POGZ: variants seen among roughly 807,000 people sequenced by gnomAD.
POGZ encodes the protein pogo transposable element with ZNF domain.
In POGZ, 17 loss-of-function variants were observed where a neutral mutation model predicts 134.6. The observed-to-expected ratio is 0.13, with a 90% CI of 0.09 to 0.19. The LOEUF (loss-of-function observed/expected upper bound fraction) is 0.19, where lower values mean the gene tolerates loss of function less well. Ranked by LOEUF, POGZ falls within the 10% of genes least tolerant of loss-of-function variation. The pLI, the probability that POGZ is intolerant of heterozygous loss-of-function variation, is 1.00. For synonymous variants in POGZ, 693 were observed against 657.1 expected, an observed-to-expected ratio of 1.05 and a Z score of -0.84; for missense variants, 1,306 against 1,769.7, an observed-to-expected ratio of 0.74 and a Z score of 4.70.
chr1:151,444,421 A>G (rs1660984150), intron 1 of POGZ, among the ~76,000 whole-genome samples: 1 of 152,188 alleles, frequency 6.6e-6, no homozygotes, highest in Non-Finnish European at 1.5e-5. Context: ...TAAATACTTA[A>G]TTTTATTCCA....
chr1:151,431,219 T>G lies in POGZ; in HGVS notation c.284-378A>C, dbSNP rs1352882815. Among the ~76,000 whole-genome samples the G allele has an allele frequency of 2.0e-5, 3 of 151,702 alleles. No homozygotes were observed. In the East Asian group the frequency reaches 5.8e-4, roughly 29 times the overall value. ...CAGAAAAACAGATGGGTAGGGGAGG[T>G]TCACTAACACTTCACCCATATGTCT... On this transcript the variant is annotated intron_variant, in intron 3 of 18. Coordinates refer to ENST00000271715, the MANE Select transcript of POGZ (RefSeq NM_015100.4).
At chr1:151,447,572 C>G (rs1442911729) in intron 1 of POGZ, among the ~76,000 whole-genome samples, 1 of 151,532 alleles carries the variant, frequency 6.6e-6, no homozygotes, top group African/African-American at 2.4e-5. Context: ...CCACCTCAAC[C>G]TCTTGAGTAA....
In POGZ at chr1:151,403,546, G is replaced by C; in HGVS notation, c.*1256C>G. On this transcript the variant is annotated 3_prime_UTR_variant, in exon 19 of 19. Coordinates refer to ENST00000271715, the MANE Select transcript of POGZ (RefSeq NM_015100.4). ...ACAGTACGTTTTGGTTTACAACCATGAGTACATACAATTAAAAAAATCCCT... is the reference window on the plus strand; with the variant it reads ...ACAGTACGTTTTGGTTTACAACCATCAGTACATACAATTAAAAAAATCCCT... The C allele has an allele frequency of 1.0e-6, 1 of 985,236 alleles. No individual in the cohort carries two copies. Among genetic ancestry groups the C allele is most frequent in the Non-Finnish European group, 1.2e-6 (1 of 829,510 alleles). The allele number at this position is 985,236 out of a possible 1,614,324, so 61.0% of individuals were successfully genotyped here.
chr1:151,423,659 C>T (rs1657316535), intron 9 of POGZ, 108 bp from the exon 10 acceptor site: 1 of 851,614 alleles, frequency 1.2e-6, no homozygotes, highest in African/African-American at 1.7e-5. Context: ...CCCTCCATTC[C>T]CCAGACTTCC....
chr1:151,458,773 T>TGGACGTCGGGCTGTGTGC (rs1553238871), intron 1 of POGZ, among the ~76,000 whole-genome samples: 1 of 144,014 alleles, frequency 6.9e-6, no homozygotes, highest in African/African-American at 2.5e-5. Context: ...AGCGTGCGTG[T>TGGACGTCGGGCTGTGTGC]GGACGTCGGG....
intron 10 of POGZ, among the ~76,000 whole-genome samples, chr1:151,417,604 C>T (rs1266168866): frequency 3.3e-5 from 5 of 150,782 alleles, no homozygotes; most frequent in South Asian, 2.1e-4. Context: ...TTAGGTGATC[C>T]GTCCGCCTCA....
Position 151,423,451 on chromosome 1 carries a change from G to C in POGZ, c.1624C>G (p.Pro542Ala). ...CQHCYRQFST[P>A]FQLQCHLENV... ...TCCAAGTGGCACTGAAGCTGGAAGG[G>C]AGTGGAAAACTGGCGGTAACAGTGC... The change falls in exon 10 of 19, where the codon CCC (proline) becomes GCC (alanine). Residue 542 changes from proline (P) to alanine (A), a missense_variant. Around this residue, in one of 10 missense-constraint regions of POGZ, gnomAD observed 541 missense variants for 680.5 expected, o/e 0.80. Transcript: ENST00000271715. 6.2e-7 allele frequency: 1 copy of C among 1,614,048 alleles called. No homozygotes were observed. The highest frequency in any genetic ancestry group is 8.5e-7 in the Non-Finnish European group (1 of 1,179,908).
intron 10 of POGZ, among the ~76,000 whole-genome samples, chr1:151,418,051 A>G (rs1302127124): frequency 1.3e-5 from 2 of 151,816 alleles, no homozygotes; most frequent in African/African-American, 4.8e-5. Flanking sequence ...CGTCTCCACT[A>G]AAAAATACAA....
At chr1:151,432,135 C>A (rs1658799033) in intron 3 of POGZ, among the ~76,000 whole-genome samples, 1 of 152,160 alleles carries the variant, frequency 6.6e-6, no homozygotes, top group South Asian at 2.1e-4. Flanking sequence ...TGCCACTGCA[C>A]TCCAGCCTGG....
chr1:151,457,931 A>C (rs1421705820), intron 1 of POGZ, among the ~76,000 whole-genome samples: 1 of 139,140 alleles, frequency 7.2e-6, no homozygotes, highest in Admixed American at 7.1e-5. Context: ...TCGTCTCAAA[A>C]AAAAAAAAAA....
chr1:151,425,950 A>G (rs944031889), intron 7 of POGZ, among the ~76,000 whole-genome samples: 1 of 152,202 alleles, frequency 6.6e-6, no homozygotes, highest in Non-Finnish European at 1.5e-5. Context: ...AAGTGGCTGC[A>G]TAATTTTACA....
chr1:151,411,477 C>T, intron 12 of POGZ, 148 bp downstream of exon 12: 2 of 575,148 alleles, frequency 3.5e-6, no homozygotes, highest in Non-Finnish European at 3.1e-6. Flanking sequence ...TAGTACATGG[C>T]ACATTAAGTG....
intron 2 of POGZ, 72 bp downstream of exon 2, chr1:151,442,009 A>G (rs1428712019): frequency 2.6e-6 from 3 of 1,150,790 alleles, no homozygotes; most frequent in Non-Finnish European, 2.5e-6. Flanking sequence ...TTTCCATCTC[A>G]CACTTTGTTA....
chr1:151,416,359 C>A (rs1488320463), intron 10 of POGZ, among the ~76,000 whole-genome samples: 3 of 151,360 alleles, frequency 2.0e-5, no homozygotes, highest in African/African-American at 7.3e-5. Context: ...GAGTTAGAGA[C>A]CAGCCTGGCC....
chr1:151,414,696 C>T (rs1430955879), intron 10 of POGZ, among the ~76,000 whole-genome samples: 6 of 152,186 alleles, frequency 3.9e-5, no homozygotes, highest in South Asian at 4.1e-4. Context: ...GCAAGAGAAT[C>T]GCTTGAAGCT....
chr1:151,430,893 C>A (rs771923876), intron 3 of POGZ, 52 bp from the exon 4 acceptor site: 3 of 1,227,598 alleles, frequency 2.4e-6, no homozygotes, highest in Admixed American at 3.2e-5. Context: ...CAATGTTAAA[C>A]CCACATTTTA....
rs1653048448 is a variant in POGZ, at chr1:151,403,443, G to A, written c.*1359C>T. The A allele has an allele frequency of 7.1e-6, 7 of 985,680 alleles. No individual in the cohort carries two copies. The highest frequency in any genetic ancestry group is 8.4e-6 in the Non-Finnish European group (7 of 829,824). 61.1% of individuals were successfully genotyped at this position (985,680 alleles called of 1,614,324 possible). A position where few individuals can be genotyped will look rare whatever the true frequency, so the allele number is the denominator to read the frequency against. On this transcript the variant is annotated 3_prime_UTR_variant, in exon 19 of 19. Transcript: ENST00000271715. ...CAAGCTTGTGCAGTTTGCCTCCTTG[G>A]CTCACAGGAGGGGAACATTGTGGAA...
At chr1:151,451,834 C>T (rs1451705635) in intron 1 of POGZ, among the ~76,000 whole-genome samples, 6 of 151,650 alleles carry the variant, frequency 4.0e-5, no homozygotes, top group Admixed American at 2.0e-4. Context: ...CGGTGGCTCA[C>T]GCCTGTAATC....
At position 151,406,259 on chromosome 1, in the gene POGZ, C is replaced by G. The variant is rs1336370871; in HGVS notation, c.2776G>C (p.Ala926Pro). ...TPPPTPTHPQ[A>P]LALPPLATEG... ...GTAGCCAGCGGTGGAAGGGCTAAAG[C>G]CTGCGGGTGAGTGGGGGTTGGTGGT... Residue 926 changes from alanine to proline, a missense_variant, in exon 19 of 19, where the codon GCT becomes CCT. Ala to Pro is a conservative substitution (Grantham distance 27, BLOSUM62 -1). This residue lies in a region of POGZ where 214 missense variants were observed against 255.5 expected (regional missense o/e 0.84). Coordinates refer to ENST00000271715, the MANE Select transcript of POGZ (RefSeq NM_015100.4). 3 of 1,613,486 alleles carry G rather than the reference C, an allele frequency of 1.9e-6. No homozygotes were observed. The highest frequency in any genetic ancestry group is 1.7e-6 in the Non-Finnish European group (2 of 1,179,622).
Sources: allele counts gnomAD v4.1 joint callset (sites outside exome capture counted in the v4.1 genomes callset), GRCh38; gene constraint gnomAD v4.1.1; regional missense constraint gnomAD v4.1.1; transcripts MANE v1.5; gene names NCBI Gene and HGNC (gene_info 2026-07-23, HGNC 2026-07-21).